FSTL4: variants seen among roughly 807,000 people sequenced by gnomAD.
FSTL4 encodes the protein follistatin-related protein 4.
Under a neutral mutation model 78.2 loss-of-function variants are expected in FSTL4, and 28 were observed. The observed-to-expected ratio is 0.36, with a 90% CI of 0.27 to 0.49. The LOEUF is 0.49. Among genes scored for constraint, FSTL4 ranks in the 20% least tolerant of loss-of-function variants. FSTL4 has a pLI of 0.98. For missense variants in FSTL4, 922 were observed against 1,084.9 expected (o/e 0.85, Z 2.11); for synonymous variants, 422 against 440.5 (o/e 0.96, Z 0.53).
At chr5:133,758,693 C>A in the FSTL4 span, among the ~76,000 whole-genome samples, 1 of 152,192 alleles carries the variant, frequency 6.6e-6, no homozygotes, top group East Asian at 1.9e-4. Context: ...TAACAGATTA[C>A]CTCCAAAATT....
At chr5:133,550,068 G>A (rs1472928465) in intron 3 of FSTL4, among the ~76,000 whole-genome samples, 1 of 152,070 alleles carries the variant, frequency 6.6e-6, no homozygotes, top group African/African-American at 2.4e-5. Flanking sequence ...CACCTGCATT[G>A]GGCAAATACT....
chr5:133,335,688 G>T (rs768317698), intron 4 of FSTL4, among the ~76,000 whole-genome samples: 1 of 151,580 alleles, frequency 6.6e-6, no homozygotes, highest in Non-Finnish European at 1.5e-5. Context: ...TCTTGGGGGG[G>T]GTGGCAATCA....
Position 133,612,425 on chromosome 5 carries a change from G to C in FSTL4, c.-111C>G, listed in dbSNP as rs1015718399. On this transcript the variant is annotated 5_prime_UTR_variant, in exon 1 of 16. Coordinates refer to ENST00000265342, the MANE Select transcript of FSTL4 (RefSeq NM_015082.2). The surrounding 1 kb of genome is among the most constrained non-coding windows in gnomAD (Gnocchi z 6.2). The stretch of plus-strand genomic sequence containing the variant: ...GCGGCGACCCCGCCCCGCGTCCTTC[G>C]GCTGGTTTCTCGGGCTGTCGGCGGG... 1 of 152,138 alleles carries C rather than the reference G, an allele frequency of 6.6e-6. No homozygotes were observed. Among genetic ancestry groups the C allele is most frequent in the Middle Eastern group, 3.4e-3 (1 of 294 alleles). 9.4% of individuals were successfully genotyped at this position (152,138 alleles called of 1,614,324 possible).
intron 4 of FSTL4, among the ~76,000 whole-genome samples, chr5:133,386,889 G>C (rs1179288416): frequency 6.6e-6 from 1 of 152,208 alleles, no homozygotes; most frequent in Non-Finnish European, 1.5e-5. Flanking sequence ...CGTGGAGACA[G>C]CCACTGAAGT....
At chr5:133,331,172 T>C (rs1453396584) in intron 4 of FSTL4, among the ~76,000 whole-genome samples, 1 of 152,168 alleles carries the variant, frequency 6.6e-6, no homozygotes, top group Non-Finnish European at 1.5e-5. Flanking sequence ...TCTCCAGAAC[T>C]GGGCTCTCTC....
intron 3 of FSTL4, among the ~76,000 whole-genome samples, chr5:133,458,744 G>C (rs1165649642): frequency 6.6e-6 from 1 of 152,356 alleles, no homozygotes; most frequent in East Asian, 1.9e-4. Flanking sequence ...CATCACTGTT[G>C]TCTGTGGGAG....
intron 2 of FSTL4, 36 bp downstream of exon 2, chr5:133,603,822 G>C (rs1024205070): frequency 3.7e-6 from 6 of 1,605,486 alleles, no homozygotes; most frequent in Non-Finnish European, 5.1e-6. Flanking sequence ...AAAGCAATCA[G>C]TTTGAAATGT....
chr5:133,291,971 G>C (rs2126869421), intron 6 of FSTL4, among the ~76,000 whole-genome samples: 1 of 152,296 alleles, frequency 6.6e-6, no homozygotes, highest in South Asian at 2.1e-4. Flanking sequence ...TAAAATATCA[G>C]AGACTGCTTT....
chr5:133,202,696 C>G (rs1024025198), intron 14 of FSTL4: 1 of 152,266 alleles, frequency 6.6e-6, no homozygotes, highest in East Asian at 1.9e-4. Context: ...AGATGTCTTG[C>G]ATTTAGAATG....
intron 3 of FSTL4, among the ~76,000 whole-genome samples, chr5:133,429,998 G>A (rs28706179): frequency 0.012 from 1,856 of 152,286 alleles, 39 homozygotes; most frequent in African/African-American, 0.042. Flanking sequence ...TATTTGAGAC[G>A]TGAGCTGTAA....
chr5:133,554,128 C>A (rs1396816730), intron 3 of FSTL4, among the ~76,000 whole-genome samples: 3 of 152,210 alleles, frequency 2.0e-5, no homozygotes, highest in African/African-American at 2.4e-5. Flanking sequence ...AGACTAGAAG[C>A]AAGCCCGACC....
At position 133,284,930 on chromosome 5, in the gene FSTL4, A is replaced by G. The variant is rs1212924401; in HGVS notation, c.727+27724T>C. Reference sequence around the variant, plus strand: ...TAGGGTGTCAGGGTGCTGTGAAAGGACTGGCTAGGGCACGAGACCTAACGA... The same window carrying G: ...TAGGGTGTCAGGGTGCTGTGAAAGGGCTGGCTAGGGCACGAGACCTAACGA... On this transcript the variant is annotated intron_variant, in intron 6 of 15. Transcript: ENST00000265342. 2.6e-5 allele frequency among the ~76,000 whole-genome samples: 4 copies of G among 152,282 alleles called. No individual in the cohort carries two copies. In the East Asian group the frequency reaches 7.7e-4, roughly 29 times the overall value.
At chr5:133,725,899 G>T in the FSTL4 span, among the ~76,000 whole-genome samples, 1 of 152,242 alleles carries the variant, frequency 6.6e-6, no homozygotes, top group Non-Finnish European at 1.5e-5. Context: ...TCTGGATCAG[G>T]AATTCTGTTA....
the FSTL4 span, among the ~76,000 whole-genome samples, chr5:133,775,344 C>T: frequency 1.3e-5 from 2 of 152,208 alleles, no homozygotes; most frequent in Admixed American, 6.5e-5. Flanking sequence ...CAGCTTCTGC[C>T]TTCCCAGTAA....
At chr5:133,494,723 T>C (rs1483619610) in intron 3 of FSTL4, among the ~76,000 whole-genome samples, 11 of 152,230 alleles carry the variant, frequency 7.2e-5, no homozygotes. Flanking sequence ...TATGACCTGG[T>C]TTATGTGCAC....
At chr5:133,735,202 C>A in the FSTL4 span, among the ~76,000 whole-genome samples, 1 of 152,158 alleles carries the variant, frequency 6.6e-6, no homozygotes, top group African/African-American at 2.4e-5. Context: ...CAGTGGCTCA[C>A]GCCTGTAATC....
intron 7 of FSTL4, chr5:133,246,910 G>T (rs963889732): frequency 6.6e-6 from 1 of 152,188 alleles, no homozygotes; most frequent in African/African-American, 2.4e-5. Context: ...ACCCTATGAG[G>T]CTGGTACCAT....
At position 133,477,608 on chromosome 5, in the gene FSTL4, G is replaced by A. The variant is rs75631704; in HGVS notation, c.161-76622C>T. Among the ~76,000 whole-genome samples, 1,374 of 152,234 alleles carry A rather than the reference G, an allele frequency of 9.0e-3. 28 individuals are homozygous for A. Among genetic ancestry groups the A allele is most frequent in the African/African-American group, 0.031 (1,269 of 41,536 alleles). ...AGTGCTGTGTGATTCCCAAAACCCC[G>A]CTCTTAATGGACTCAAGTTATTCTC... On this transcript the variant is annotated intron_variant, in intron 3 of 15. Coordinates refer to ENST00000265342, the MANE Select transcript of FSTL4 (RefSeq NM_015082.2).
Position 133,382,035 on chromosome 5 carries a change from C to T in FSTL4, c.409+18703G>A, listed in dbSNP as rs72505673. The stretch of plus-strand genomic sequence containing the variant: ...TTGGGGTTTTACTCCCTCTTCACAT[C>T]CCCTTCCCCATCCTGCACTTCCTCC... On this transcript the variant is annotated intron_variant, in intron 4 of 15. Transcript: ENST00000265342. 8.8e-3 allele frequency among the ~76,000 whole-genome samples: 1,327 copies of T among 151,550 alleles called. 47 individuals carry two copies. In the East Asian group the frequency reaches 0.11, roughly 13 times the overall value.
Sources: gnomAD v4.1 joint callset for allele counts (sites outside exome capture counted in the v4.1 genomes callset) on GRCh38, gnomAD v4.1.1 for gene constraint, Gnocchi (gnomAD v3.1) non-coding constraint, MANE v1.5 for transcripts, NCBI Gene and HGNC (gene_info 2026-07-23, HGNC 2026-07-21) for gene names.